Variants in ENOX1 observed in about 807,000 individuals in gnomAD.
ENOX1 encodes the protein candidate growth-related and time keeping constitutive hydroquinone (NADH) oxidase.
Under a neutral mutation model 82.5 loss-of-function variants are expected in ENOX1, and 42 were observed. That is an observed-to-expected ratio of 0.51 (90% confidence interval 0.40 to 0.66). The LOEUF (loss-of-function observed/expected upper bound fraction) is 0.66. ENOX1 is among the 30% of genes least tolerant of loss of function. ENOX1 has a pLI of 0.00. For missense variants in ENOX1, 608 were observed against 811.6 expected, an observed-to-expected ratio of 0.75 and a Z score of 3.05; for synonymous variants, 271 against 282.2, an observed-to-expected ratio of 0.96 and a Z score of 0.40.
intron 1 of ENOX1, among the ~76,000 whole-genome samples, chr13:43,727,150 C>T (rs1206350859): frequency 6.6e-6 from 1 of 152,156 alleles, no homozygotes; most frequent in Non-Finnish European, 1.5e-5. Flanking sequence ...CACTTCTCAC[C>T]ATCTCAGACT....
intron 2 of ENOX1, among the ~76,000 whole-genome samples, chr13:43,497,343 T>C (rs2076830225): frequency 6.6e-6 from 1 of 152,164 alleles, no homozygotes; most frequent in Non-Finnish European, 1.5e-5. Flanking sequence ...TCTCTTTTCC[T>C]GATTTGGAGG....
intron 5 of ENOX1, among the ~76,000 whole-genome samples, chr13:43,373,774 T>C (rs970499685): frequency 6.6e-6 from 1 of 152,248 alleles, no homozygotes; most frequent in Non-Finnish European, 1.5e-5. Flanking sequence ...TAGCTTGTCA[T>C]TTCTGACAAC....
chr13:43,572,552 G>A (rs1224059718), intron 2 of ENOX1, among the ~76,000 whole-genome samples: 1 of 152,322 alleles, frequency 6.6e-6, no homozygotes, highest in South Asian at 2.1e-4. Flanking sequence ...ATTCATCAGT[G>A]AACATTTCTC....
rs527483592 is a variant in ENOX1 at position 43,516,135 on chromosome 13, T to C, written c.-218-31983A>G. Among the ~76,000 whole-genome samples, 158 of 152,302 alleles carry C rather than the reference T, an allele frequency of 1.0e-3. 1 individual carries two copies. The highest frequency in any genetic ancestry group is 6.6e-3 in the South Asian group (32 of 4,826). The stretch of plus-strand genomic sequence containing the variant: ...TGTGGAATAAGTGAATGGTGGAATA[T>C]ACAGTAAAGAATGGTTATTCCCTTT... On this transcript the variant is annotated intron_variant, in intron 2 of 16. Coordinates refer to ENST00000690772, the MANE Select transcript of ENOX1 (RefSeq NM_001347969.2).
chr13:43,249,351 C>G (rs2043319948), intron 14 of ENOX1, among the ~76,000 whole-genome samples: 1 of 152,168 alleles, frequency 6.6e-6, no homozygotes, highest in African/African-American at 2.4e-5. Context: ...TATAGCTACT[C>G]AAGTCCACGC....
rs556628239 is a variant in ENOX1 at position 43,385,969 on chromosome 13, G to A, written c.209-24517C>T. On this transcript the variant is annotated intron_variant, in intron 5 of 16. Coordinates refer to ENST00000690772, the MANE Select transcript of ENOX1 (RefSeq NM_001347969.2). ...TCACTTGAGGTCAGGAGTTTGAGAC[G>A]AGCCTGGCCAACATGGTGAAACCCC... 3.9e-5 allele frequency among the ~76,000 whole-genome samples: 6 copies of A among 152,052 alleles called. No homozygotes were observed. The South Asian group carries it at 1.2e-3, about 32-fold the overall frequency.
chr13:43,247,870 TATATATA>T (rs1566329820), intron 14 of ENOX1, among the ~76,000 whole-genome samples: 4 of 2,444 alleles, frequency 1.6e-3, no homozygotes, highest in Non-Finnish European at 3.2e-3. Context: ...TATATATATA[TATATATA>T]TATATATTTT....
intron 12 of ENOX1, among the ~76,000 whole-genome samples, chr13:43,278,909 CATT>C (rs2045219467): frequency 6.6e-6 from 1 of 152,028 alleles, no homozygotes; most frequent in Non-Finnish European, 1.5e-5. Context: ...CTTTCTTGGC[CATT>C]ATTATTCATT....
intron 2 of ENOX1, among the ~76,000 whole-genome samples, chr13:43,651,088 A>G (rs1438214202): frequency 1.3e-5 from 2 of 152,210 alleles, no homozygotes; most frequent in Admixed American, 1.3e-4. Context: ...GACAGTTAGA[A>G]GGCTGCTCCA....
chr13:43,561,640 A>G (rs1593827188), intron 2 of ENOX1, among the ~76,000 whole-genome samples: 1 of 152,170 alleles, frequency 6.6e-6, no homozygotes, highest in African/African-American at 2.4e-5. Context: ...ACAAAAATCA[A>G]GTAAGTATTA....
At chr13:43,256,305 A>G (rs1593558091) in intron 14 of ENOX1, among the ~76,000 whole-genome samples, 1 of 152,246 alleles carries the variant, frequency 6.6e-6, no homozygotes, top group South Asian at 2.1e-4. Context: ...AGACAAATGG[A>G]ATTACATCAA....
At chr13:43,692,980 A>C (rs1026117609) in intron 1 of ENOX1, among the ~76,000 whole-genome samples, 7 of 152,148 alleles carry the variant, frequency 4.6e-5, no homozygotes, top group Admixed American at 3.9e-4. Context: ...ATGTACCATC[A>C]AAATCAATAA....
At chr13:43,416,404 G>A (rs1469246391) in intron 3 of ENOX1, among the ~76,000 whole-genome samples, 7,872 of 73,100 alleles carry the variant, frequency 0.11, no homozygotes, top group Admixed American at 0.13. Context: ...CCGGACAGAA[G>A]CGCTCCTCAC....
intron 6 of ENOX1, among the ~76,000 whole-genome samples, chr13:43,361,026 A>G (rs10492568): frequency 0.017 from 2,531 of 152,256 alleles, 82 homozygotes; most frequent in African/African-American, 0.057. Flanking sequence ...TGCATGCAAA[A>G]AGTCTTAACG....
intron 2 of ENOX1, among the ~76,000 whole-genome samples, chr13:43,495,633 A>G (rs1356525516): frequency 7.5e-6 from 1 of 133,514 alleles, no homozygotes; most frequent in Non-Finnish European, 1.7e-5. Context: ...CTATTAATAA[A>G]CAAAGCTATT....
chr13:43,741,782 G>A (rs540386670), intron 1 of ENOX1, among the ~76,000 whole-genome samples: 1 of 152,212 alleles, frequency 6.6e-6, no homozygotes, highest in Admixed American at 6.5e-5. Flanking sequence ...TGTTGCTCGT[G>A]CTTTTAGTGT....
chr13:43,737,806 C>T (rs1236623797), intron 1 of ENOX1, among the ~76,000 whole-genome samples: 1 of 152,148 alleles, frequency 6.6e-6, no homozygotes, highest in Non-Finnish European at 1.5e-5. Flanking sequence ...ATTTAAAATA[C>T]ACATACAGCT....
intron 1 of ENOX1, among the ~76,000 whole-genome samples, chr13:43,758,478 CAAG>C (rs1418384994): frequency 6.6e-6 from 1 of 150,704 alleles, no homozygotes; most frequent in Non-Finnish European, 1.5e-5. Context: ...AGAGGAGGGA[CAAG>C]AAGAGAGGAA....
chr13:43,250,275 C>T (rs1376254133), intron 14 of ENOX1, among the ~76,000 whole-genome samples: 1 of 152,154 alleles, frequency 6.6e-6, no homozygotes, highest in African/African-American at 2.4e-5. Context: ...CCACTTGGTT[C>T]AAGCCCTTGA....
Sources: gnomAD v4.1 joint callset for allele counts (sites outside exome capture counted in the v4.1 genomes callset) on GRCh38, gnomAD v4.1.1 for gene constraint, MANE v1.5 for transcripts, NCBI Gene and HGNC (gene_info 2026-07-23, HGNC 2026-07-21) for gene names.